Variants in DNAH14 observed in about 807,000 individuals in gnomAD.
DNAH14 encodes the protein dynein axonemal heavy chain 14.
A neutral mutation model predicts 520.9 loss-of-function variants in DNAH14; 478 were observed. That is an observed-to-expected ratio of 0.92 (90% confidence interval 0.85 to 0.99). The LOEUF (loss-of-function observed/expected upper bound fraction) is 0.99. Among genes scored for constraint, DNAH14 ranks in the 50% least tolerant of loss-of-function variants. The pLI is 0.00. For synonymous variants in DNAH14, 1,581 were observed against 1,757.2 expected (o/e 0.90, Z 2.51); for missense variants, 4,831 against 5,234.5 (o/e 0.92, Z 2.38).
rs1335305794 is a variant in DNAH14, at chr1:225,335,647, ATATACG to A, written c.10081-1618_10081-1613del. Among the ~76,000 whole-genome samples the A allele has an allele frequency of 2.0e-4, 27 of 134,416 alleles. 5 individuals are homozygous for A. The highest frequency in any genetic ancestry group is 7.4e-4 in the African/African-American group (24 of 32,528). The allele number at this position is 134,416 out of a possible 152,430, so 88.2% of individuals were successfully genotyped here. A position where few individuals can be genotyped will look rare whatever the true frequency, so the allele number is the denominator to read the frequency against. On this transcript the variant is annotated intron_variant, in intron 66 of 85. Transcript: ENST00000682510. ...CATATATACATATGTGCATATATGT[ATATACG>A]CATATATACATATGTGCATATATGT...
chr1:225,070,770 C>A (rs574093217), intron 17 of DNAH14, among the ~76,000 whole-genome samples: 2 of 152,122 alleles, frequency 1.3e-5, no homozygotes, highest in Non-Finnish European at 2.9e-5. Context: ...TGTTAACTTT[C>A]TGTCTATTAG....
intron 38 of DNAH14, among the ~76,000 whole-genome samples, chr1:225,200,368 T>G (rs1163424035): frequency 1.3e-5 from 2 of 152,202 alleles, no homozygotes; most frequent in Non-Finnish European, 2.9e-5. Context: ...CCAGTCATCA[T>G]GCTATTTGTT....
intron 8 of DNAH14, among the ~76,000 whole-genome samples, chr1:224,988,414 A>G (rs1202390287): frequency 6.6e-6 from 1 of 152,220 alleles, no homozygotes; most frequent in African/African-American, 2.4e-5. Flanking sequence ...AATCAAAACC[A>G]CAATGAAATA....
At chr1:225,109,554 G>A (rs1223552158) in intron 23 of DNAH14, among the ~76,000 whole-genome samples, 1 of 151,876 alleles carries the variant, frequency 6.6e-6, no homozygotes, top group East Asian at 1.9e-4. Context: ...TTTGTATGTT[G>A]ATTTTGTATT....
intron 35 of DNAH14, among the ~76,000 whole-genome samples, chr1:225,167,719 G>A (rs1005315419): frequency 2.0e-5 from 3 of 152,126 alleles, no homozygotes; most frequent in Non-Finnish European, 4.4e-5. Flanking sequence ...TTTGCTATCA[G>A]GTGTCTGTGA....
chr1:225,384,344 G>C (rs554815974), intron 81 of DNAH14, among the ~76,000 whole-genome samples: 2 of 152,176 alleles, frequency 1.3e-5, no homozygotes, highest in East Asian at 3.9e-4. Context: ...GGGTGTTAAA[G>C]TCTCCCATTA....
intron 17 of DNAH14, among the ~76,000 whole-genome samples, chr1:225,052,852 A>T (rs1306295895): frequency 6.6e-6 from 1 of 152,160 alleles, no homozygotes; most frequent in African/African-American, 2.4e-5. Context: ...TTTTTCTCTC[A>T]GGTAAAATTA....
chr1:225,172,652 C>T (rs12073257), intron 36 of DNAH14, among the ~76,000 whole-genome samples: 23,459 of 152,072 alleles, frequency 0.15, 2,125 homozygotes, highest in East Asian at 0.36. Flanking sequence ...TGCTCATGGG[C>T]AGAAAGAATC....
At position 225,092,817 on chromosome 1, in the gene DNAH14, G is replaced by A. The variant is rs554974217; in HGVS notation, c.3574-4301G>A. On this transcript the variant is annotated intron_variant, in intron 21 of 85. Coordinates refer to ENST00000682510, the MANE Select transcript of DNAH14 (RefSeq NM_001367479.1). ...AAAAATAGAGAAGATCCAAATAAAC[G>A]CAATTATAAATGACAAAGGGGACAT... is the stretch of plus-strand genomic sequence containing the variant. Among the ~76,000 whole-genome samples, 37 of 151,952 alleles carry A rather than the reference G, an allele frequency of 2.4e-4. 1 individual carries two copies. Among genetic ancestry groups the A allele is most frequent in the Admixed American group, 1.2e-3 (19 of 15,238 alleles).
chr1:225,332,981 G>A (rs2094834221), intron 65 of DNAH14, among the ~76,000 whole-genome samples: 1 of 152,054 alleles, frequency 6.6e-6, no homozygotes, highest in East Asian at 1.9e-4. Flanking sequence ...TCCAGCCTAG[G>A]CTACTAAGAG....
rs557460590 is a variant in DNAH14 at position 224,985,795 on chromosome 1, G to A, written c.830+11642G>A. On this transcript the variant is annotated intron_variant, in intron 8 of 85. Coordinates refer to ENST00000682510, the MANE Select transcript of DNAH14 (RefSeq NM_001367479.1). Reference sequence around the variant, plus strand: ...AGAATGCATGAGTCTCTTAATAGCAGAATTAATCAAGCAGAAGAAAGAATT... The same window carrying A: ...AGAATGCATGAGTCTCTTAATAGCAAAATTAATCAAGCAGAAGAAAGAATT... Among the ~76,000 whole-genome samples, 9 of 151,640 alleles carry A rather than the reference G, an allele frequency of 5.9e-5. No homozygotes were observed. The East Asian group carries it at 1.8e-3, about 30-fold the overall frequency.
chr1:225,303,437 A>G, intron 57 of DNAH14, 90 bp downstream of exon 57: 1 of 1,111,072 alleles, frequency 9.0e-7, no homozygotes. Context: ...TAGATGGACA[A>G]AAATAGGCAG....
At position 225,169,495 on chromosome 1, in the gene DNAH14, G is replaced by C. The variant is rs115711967; in HGVS notation, c.5535+1467G>C. 5.0e-3 allele frequency among the ~76,000 whole-genome samples: 761 copies of C among 152,288 alleles called. 6 individuals are homozygous for C. The highest frequency in any genetic ancestry group is 0.017 in the African/African-American group (718 of 41,552). ...AACCACGGCACGAGAACGATGTGAC[G>C]CATGCACAAGCTTCAGTAGCCGATA... On this transcript the variant is annotated intron_variant, in intron 36 of 85. Coordinates refer to ENST00000682510, the MANE Select transcript of DNAH14 (RefSeq NM_001367479.1).
rs973272721 is a variant in DNAH14, at chr1:225,145,257, C to T, written c.4741-69C>T. ...AAAAGCATAAAGACATTTTATTACT[C>T]TAGCAGTTTTAACATTAGTATTTTG... On this transcript the variant is annotated intron_variant, in intron 29 of 85. Transcript: ENST00000682510. 7.3e-6 allele frequency: 9 copies of T among 1,239,610 alleles called. No homozygotes were observed. The African/African-American group carries it at 1.4e-4, about 19-fold the overall frequency. 76.8% of individuals were successfully genotyped at this position (1,239,610 alleles called of 1,614,324 possible).
intron 9 of DNAH14, among the ~76,000 whole-genome samples, chr1:225,005,585 T>C (rs1018889085): frequency 6.6e-6 from 1 of 152,144 alleles, no homozygotes; most frequent in African/African-American, 2.4e-5. Flanking sequence ...GGTAGTCAGA[T>C]ATGGGACCAG....
intron 28 of DNAH14, among the ~76,000 whole-genome samples, chr1:225,141,232 C>G (rs1158202413): frequency 6.6e-6 from 1 of 151,888 alleles, no homozygotes; most frequent in African/African-American, 2.4e-5. Flanking sequence ...TCAATTGTGG[C>G]CCAAAAATAA....
At chr1:225,011,043 A>C (rs1389420382) in intron 10 of DNAH14, among the ~76,000 whole-genome samples, 1 of 151,284 alleles carries the variant, frequency 6.6e-6, no homozygotes, top group East Asian at 1.9e-4. Context: ...CTTGAAAAAA[A>C]AACAGCTCCT....
At chr1:225,235,592 T>C (rs185702212) in intron 42 of DNAH14, among the ~76,000 whole-genome samples, 1 of 152,310 alleles carries the variant, frequency 6.6e-6, no homozygotes, top group East Asian at 1.9e-4. Flanking sequence ...TTCAATTGTT[T>C]GTAATAGTTT....
intron 52 of DNAH14, among the ~76,000 whole-genome samples, chr1:225,273,701 A>G (rs913976945): frequency 2.0e-5 from 3 of 152,156 alleles, no homozygotes; most frequent in Admixed American, 6.5e-5. Flanking sequence ...CTGTCTTGAT[A>G]CCTCAACAAG....
Sources: gnomAD v4.1 joint callset for allele counts (sites outside exome capture counted in the v4.1 genomes callset) on GRCh38, gnomAD v4.1.1 for gene constraint, MANE v1.5 for transcripts, NCBI Gene and HGNC (gene_info 2026-07-23, HGNC 2026-07-21) for gene names.